Variants in SORCS2 observed in about 807,000 individuals in gnomAD.
SORCS2 encodes the protein sortilin related VPS10 domain containing receptor 2.
SORCS2 carries 100 observed loss-of-function variants against 141.6 expected under a neutral mutation model. The observed-to-expected ratio is 0.71, with a 90% confidence interval of 0.60 to 0.83. The LOEUF is 0.83. SORCS2 is among the 40% of genes least tolerant of loss of function. The probability of loss-of-function intolerance (pLI) is 0.00; values close to 1 mark genes in which losing one functional copy is unlikely to be tolerated. For synonymous variants in SORCS2, 789 were observed against 676.9 expected, an observed-to-expected ratio of 1.17 and a Z score of -2.57; for missense variants, 1,646 against 1,560.2, an observed-to-expected ratio of 1.05 and a Z score of -0.93.
At chr4:7,685,187 G>A (rs147870793) in intron 10 of SORCS2, among the ~76,000 whole-genome samples, 1 of 152,364 alleles carries the variant, frequency 6.6e-6, no homozygotes, top group East Asian at 1.9e-4. Flanking sequence ...GCTAAGAATA[G>A]ACTCTTGTCT....
At chr4:7,219,313 G>T (rs531643135) in intron 1 of SORCS2, among the ~76,000 whole-genome samples, 24 of 152,008 alleles carry the variant, frequency 1.6e-4, no homozygotes, top group Non-Finnish European at 3.4e-4. Context: ...CCAGACTCTG[G>T]TTTCTCTAAC....
rs1240504492 is a variant in SORCS2 at position 7,682,877 on chromosome 4, C to T, written c.1476C>T (p.Thr492=). 1 of 1,613,422 alleles carries T rather than the reference C, an allele frequency of 6.2e-7. No homozygotes were observed. Among genetic ancestry groups the T allele is most frequent in the African/African-American group, 1.3e-5 (1 of 75,046 alleles). The part of the protein sequence containing the change: ...PPSMDMNGKP[T]NCKPPDCHLH... ...GCATGGACATGAATGGAAAACCAAC[C>T]AACTGCAAGCCTGTAAGTACCTCTG... is the stretch of plus-strand genomic sequence containing the variant. The change falls in exon 10 of 27, where the codon ACC becomes ACT. Residue 492 remains threonine (T), a synonymous_variant. Transcript: ENST00000507866.
chr4:7,247,153 C>A (rs1488836603), intron 1 of SORCS2, among the ~76,000 whole-genome samples: 1 of 152,136 alleles, frequency 6.6e-6, no homozygotes, highest in East Asian at 1.9e-4. Flanking sequence ...CAGGGGTCAC[C>A]AACAAGACCC....
chr4:7,362,333 G>A (rs936525000), intron 1 of SORCS2, among the ~76,000 whole-genome samples: 7 of 152,104 alleles, frequency 4.6e-5, no homozygotes, highest in South Asian at 2.1e-4. Flanking sequence ...GTCCTTCCAC[G>A]CCGCATCCTA....
chr4:7,393,684 G>C (rs1724013353), intron 1 of SORCS2, among the ~76,000 whole-genome samples: 1 of 152,162 alleles, frequency 6.6e-6, no homozygotes, highest in African/African-American at 2.4e-5. Flanking sequence ...GCATTGCGGG[G>C]GTTGCTGTAA....
At chr4:7,698,845 T>C (rs972360568) in intron 12 of SORCS2, among the ~76,000 whole-genome samples, 1 of 114,520 alleles carries the variant, frequency 8.7e-6, no homozygotes, top group Non-Finnish European at 1.8e-5. Context: ...GGAGAGATGC[T>C]CCTGTGGGTT....
chr4:7,290,397 C>T (rs1174804502), intron 1 of SORCS2, among the ~76,000 whole-genome samples: 2 of 152,156 alleles, frequency 1.3e-5, no homozygotes, highest in East Asian at 1.9e-4. Context: ...GTGCTCAGGG[C>T]TTTGACTGTC....
chr4:7,473,308 A>T (rs917453454), intron 2 of SORCS2, among the ~76,000 whole-genome samples: 5 of 151,948 alleles, frequency 3.3e-5, no homozygotes, highest in African/African-American at 1.2e-4. Flanking sequence ...GGAGAGGGAG[A>T]TGGCGTGTTC....
chr4:7,464,346 A>G (rs951733702), intron 2 of SORCS2, among the ~76,000 whole-genome samples: 4 of 152,154 alleles, frequency 2.6e-5, no homozygotes, highest in African/African-American at 9.7e-5. Context: ...ACCAGGGGGA[A>G]AAAGAATGCA....
Position 7,683,867 on chromosome 4 carries a change from C to A in SORCS2, c.1488+978C>A, listed in dbSNP as rs10000306. On this transcript the variant is annotated intron_variant, in intron 10 of 26. Coordinates refer to ENST00000507866, the MANE Select transcript of SORCS2 (RefSeq NM_020777.3). ...TCTCTCAAAGTAGCTGGGACTCTTG[C>A]CCGCTCTCATGTGGCTACCAGGGAT... 8.8e-3 allele frequency among the ~76,000 whole-genome samples: 1,335 copies of A among 152,298 alleles called. 21 individuals are homozygous for A. The highest frequency in any genetic ancestry group is 0.031 in the African/African-American group (1,287 of 41,564).
At chr4:7,606,755 A>G (rs1485717361) in intron 3 of SORCS2, among the ~76,000 whole-genome samples, 1 of 152,006 alleles carries the variant, frequency 6.6e-6, no homozygotes, top group African/African-American at 2.4e-5. Flanking sequence ...ATATTCTTCA[A>G]GCAGAGGAGG....
At chr4:7,418,097 C>T (rs182309574) in intron 2 of SORCS2, among the ~76,000 whole-genome samples, 87 of 152,316 alleles carry the variant, frequency 5.7e-4, no homozygotes, top group Admixed American at 1.0e-3. Flanking sequence ...CTTCCTCCTC[C>T]TCCTCACCAC....
intron 2 of SORCS2, among the ~76,000 whole-genome samples, chr4:7,411,025 G>A (rs145207638): frequency 2.5e-3 from 314 of 127,414 alleles, no homozygotes; most frequent in African/African-American, 8.8e-3. Context: ...GTGTGATCTC[G>A]ACTCACCGCA....
chr4:7,537,647 A>C (rs1423019712), intron 3 of SORCS2, among the ~76,000 whole-genome samples: 5 of 152,146 alleles, frequency 3.3e-5, no homozygotes, highest in Admixed American at 2.0e-4. Context: ...CTAACCTTCT[A>C]GAGCCTCTGA....
chr4:7,467,978 T>G (rs988894748), intron 2 of SORCS2, among the ~76,000 whole-genome samples: 2 of 152,210 alleles, frequency 1.3e-5, no homozygotes, highest in Admixed American at 6.5e-5. Context: ...TCTGTCCTCC[T>G]GGCTTCAGAA....
At chr4:7,642,486 G>T (rs192305347) in intron 4 of SORCS2, among the ~76,000 whole-genome samples, 1 of 152,330 alleles carries the variant, frequency 6.6e-6, no homozygotes, top group Admixed American at 6.5e-5. Flanking sequence ...AGTTGTAAAA[G>T]GAATGAGGAA....
intron 1 of SORCS2, among the ~76,000 whole-genome samples, chr4:7,308,155 C>T (rs567290723): frequency 6.6e-6 from 1 of 152,292 alleles, no homozygotes; most frequent in Admixed American, 6.5e-5. Flanking sequence ...CCCTCTCCCT[C>T]TCAGGGGCAC....
chr4:7,379,226 T>G (rs1285706705), intron 1 of SORCS2, among the ~76,000 whole-genome samples: 3 of 152,130 alleles, frequency 2.0e-5, no homozygotes, highest in Non-Finnish European at 4.4e-5. Flanking sequence ...GCACCTGTGC[T>G]GCAGTTGACT....
chr4:7,629,990 T>A (rs1189093653), intron 3 of SORCS2, among the ~76,000 whole-genome samples: 2 of 152,078 alleles, frequency 1.3e-5, no homozygotes, highest in African/African-American at 4.8e-5. Flanking sequence ...ACATCTGCCC[T>A]CTCCCCTCCA....
Sources: allele counts gnomAD v4.1 joint callset (sites outside exome capture counted in the v4.1 genomes callset), GRCh38; gene constraint gnomAD v4.1.1; transcripts MANE v1.5; gene names NCBI Gene and HGNC (gene_info 2026-07-23, HGNC 2026-07-21).